EPHB2: variants seen among roughly 807,000 people sequenced by gnomAD.
EPHB2 encodes the protein EPH receptor B2, also known as ephrin type-B receptor 2.
Under a neutral mutation model 96.4 loss-of-function variants are expected in EPHB2, and 18 were observed. The observed-to-expected ratio is 0.19, with a 90% CI of 0.13 to 0.28. The LOEUF (loss-of-function observed/expected upper bound fraction) is 0.28, where lower values mean the gene tolerates loss of function less well. Ranked by LOEUF, EPHB2 falls within the 10% of genes least tolerant of loss-of-function variation. The pLI is 1.00. For missense variants in EPHB2, 989 were observed against 1,355.4 expected (o/e 0.73, Z 4.25); for synonymous variants, 506 against 534.1 (o/e 0.95, Z 0.72).
At chr1:22,757,929 T>C in intron 1 of EPHB2, among the ~76,000 whole-genome samples, 1 of 141,242 alleles carries the variant, frequency 7.1e-6, no homozygotes, top group Admixed American at 7.1e-5. Context: ...TTTTTTTTTT[T>C]TTTTTTTGAG....
chr1:22,815,149 T>C (rs1460308066), intron 3 of EPHB2, among the ~76,000 whole-genome samples: 1 of 152,176 alleles, frequency 6.6e-6, no homozygotes, highest in Admixed American at 6.5e-5. Context: ...GGCAGAGCCA[T>C]GTGGGCCAAG....
chr1:22,726,436 T>C (rs1449600163), intron 1 of EPHB2, among the ~76,000 whole-genome samples: 2 of 150,714 alleles, frequency 1.3e-5, no homozygotes, highest in East Asian at 3.9e-4. Context: ...TTTTTTTTTT[T>C]ATGAGACGGA....
intron 6 of EPHB2, among the ~76,000 whole-genome samples, chr1:22,884,807 G>A (rs1417508449): frequency 6.6e-6 from 1 of 152,054 alleles, no homozygotes; most frequent in African/African-American, 2.4e-5. Flanking sequence ...TCACTGCCCA[G>A]ATGCCATCCA....
chr1:22,774,789 A>G (rs1161935069), intron 1 of EPHB2: 2 of 209,444 alleles, frequency 9.5e-6, no homozygotes, highest in South Asian at 1.7e-4. Flanking sequence ...TGCATGTGCT[A>G]GTGCCAGGCC....
At chr1:22,806,599 GT>G (rs2148455807) in intron 3 of EPHB2, among the ~76,000 whole-genome samples, 1 of 152,160 alleles carries the variant, frequency 6.6e-6, no homozygotes, top group East Asian at 1.9e-4. Flanking sequence ...GCACAGTAAG[GT>G]CCTACTGCGT....
At chr1:22,776,875 G>A (rs1229599257) in intron 1 of EPHB2, among the ~76,000 whole-genome samples, 1 of 152,242 alleles carries the variant, frequency 6.6e-6, no homozygotes, top group Admixed American at 6.5e-5. Flanking sequence ...CAGATGGGGA[G>A]AGGAGGCCCG....
At position 22,906,486 on chromosome 1, in the gene EPHB2, T is replaced by C. The variant is rs1179233357; in HGVS notation, c.1889-224T>C. ...CCTCACCCCCATGCCCAGCCAGGGA[T>C]AACCAGAGAACAACCATGAGGAATT... On this transcript the variant is annotated intron_variant, in intron 10 of 15. Coordinates refer to ENST00000374630, the MANE Select transcript of EPHB2 (RefSeq NM_017449.5). The surrounding 1 kb of genome is among the most constrained non-coding windows in gnomAD (Gnocchi z 4.8). 2.0e-5 allele frequency among the ~76,000 whole-genome samples: 3 copies of C among 152,166 alleles called. No individual in the cohort carries two copies. The highest frequency in any genetic ancestry group is 1.9e-4 in the East Asian group (1 of 5,188).
At chr1:22,768,233 G>A (rs1644332602) in intron 1 of EPHB2, among the ~76,000 whole-genome samples, 1 of 152,214 alleles carries the variant, frequency 6.6e-6, no homozygotes, top group Admixed American at 6.5e-5. Context: ...CCAGCTGTGT[G>A]GCCTGGAGAA....
At chr1:22,824,595 C>T (rs888409643) in intron 3 of EPHB2, among the ~76,000 whole-genome samples, 1 of 152,326 alleles carries the variant, frequency 6.6e-6, no homozygotes, top group Non-Finnish European at 1.5e-5. Context: ...GCTGGGCCTG[C>T]CATTGGGCAG....
intron 11 of EPHB2, 124 bp downstream of exon 11, chr1:22,907,081 G>A (rs1053077508): frequency 7.5e-6 from 10 of 1,335,992 alleles, no homozygotes; most frequent in African/African-American, 5.9e-5. Flanking sequence ...ATGGCTTGCA[G>A]GCTGTCACTT....
At chr1:22,880,641 C>A (rs897125534) in intron 5 of EPHB2, among the ~76,000 whole-genome samples, 1 of 152,240 alleles carries the variant, frequency 6.6e-6, no homozygotes, top group Non-Finnish European at 1.5e-5. Context: ...AGATGCAGAC[C>A]TGGGTCCAAA....
At chr1:22,876,025 C>T (rs764799358) in intron 5 of EPHB2, among the ~76,000 whole-genome samples, 10 of 152,114 alleles carry the variant, frequency 6.6e-5, no homozygotes, top group East Asian at 1.9e-4. Context: ...AGGTGGCAGA[C>T]GCCAGGCAGC....
intron 3 of EPHB2, among the ~76,000 whole-genome samples, chr1:22,828,297 G>A (rs1446621462): frequency 6.6e-6 from 1 of 152,140 alleles, no homozygotes; most frequent in Non-Finnish European, 1.5e-5. Context: ...GACCCTGGCA[G>A]AAGTAGCAGC....
chr1:22,802,476 C>T (rs931925213), intron 3 of EPHB2, among the ~76,000 whole-genome samples: 8 of 152,266 alleles, frequency 5.3e-5, no homozygotes, highest in Admixed American at 2.6e-4. Flanking sequence ...CACCAGCCAC[C>T]CCTTGGCAGG....
In EPHB2 at chr1:22,818,176, C is replaced by G. The variant is rs376702304; in HGVS notation, c.811+33100C>G. Among the ~76,000 whole-genome samples, 9 of 152,136 alleles carry G rather than the reference C, an allele frequency of 5.9e-5. 1 individual carries two copies. In the East Asian group the frequency reaches 1.5e-3, roughly 26 times the overall value. On this transcript the variant is annotated intron_variant, in intron 3 of 15. Transcript: ENST00000374630. ...CCACGTGGTCCACCTGCCTTCAGGT[C>G]CTTGTGCTCGATCCATCTGTCTCAA...
In EPHB2 at chr1:22,895,236, A is replaced by G. The variant is rs1416497977; in HGVS notation, c.1592-236A>G. Among the ~76,000 whole-genome samples, 6 of 152,226 alleles carry G rather than the reference A, an allele frequency of 3.9e-5. No homozygotes were observed. The East Asian group carries it at 1.2e-3, about 29-fold the overall frequency. On this transcript the variant is annotated intron_variant, in intron 7 of 15. Transcript: ENST00000374630. ...ACATCAACATTGAGATGCAGGAATT[A>G]TGCCCATTTTATGGATGAGAAGTTG... is the stretch of plus-strand genomic sequence containing the variant.
intron 1 of EPHB2, among the ~76,000 whole-genome samples, chr1:22,759,746 C>T (rs535417492): frequency 1.3e-5 from 2 of 152,292 alleles, no homozygotes; most frequent in South Asian, 2.1e-4. Flanking sequence ...CCCTTGAGTT[C>T]GGTGACACAC....
chr1:22,859,299 G>GGT (rs1645755072), intron 3 of EPHB2, among the ~76,000 whole-genome samples: 1 of 144,456 alleles, frequency 6.9e-6, no homozygotes, highest in African/African-American at 2.6e-5. Flanking sequence ...GGGCCTGGTG[G>GGT]GGGGGGGGGT....
chr1:22,856,116 A>C (rs1350757659), intron 3 of EPHB2, among the ~76,000 whole-genome samples: 1 of 152,156 alleles, frequency 6.6e-6, no homozygotes, highest in African/African-American at 2.4e-5. Flanking sequence ...CTGAGGTGGC[A>C]TCAGTTGTCT....
Sources: allele counts gnomAD v4.1 joint callset (sites outside exome capture counted in the v4.1 genomes callset), GRCh38; gene constraint gnomAD v4.1.1; non-coding constraint Gnocchi (gnomAD v3.1); transcripts MANE v1.5; gene names NCBI Gene and HGNC (gene_info 2026-07-23, HGNC 2026-07-21).